CTIF: variants seen among roughly 807,000 people sequenced by gnomAD.
CTIF encodes CBP80/20-dependent translation initiation factor.
Under a neutral mutation model 66.0 loss-of-function variants are expected in CTIF, and 21 were observed. The observed-to-expected ratio is 0.32, with a 90% CI of 0.23 to 0.46. The LOEUF is 0.46. CTIF is among the 20% of genes least tolerant of loss of function. CTIF has a pLI of 1.00. For missense variants in CTIF, 739 were observed against 812.7 expected, an observed-to-expected ratio of 0.91 and a Z score of 1.10; for synonymous variants, 345 against 326.4, an observed-to-expected ratio of 1.06 and a Z score of -0.62.
chr18:48,604,624 T>C (rs2090170610), intron 1 of CTIF, among the ~76,000 whole-genome samples: 1 of 152,208 alleles, frequency 6.6e-6, no homozygotes, highest in Non-Finnish European at 1.5e-5. Context: ...GTACATTACT[T>C]TTTTAACAGC....
chr18:48,810,892 T>C (rs2068245748), intron 9 of CTIF, among the ~76,000 whole-genome samples: 1 of 151,980 alleles, frequency 6.6e-6, no homozygotes, highest in Admixed American at 6.5e-5. Flanking sequence ...TACTTTATTT[T>C]CATTTGCTCA....
intron 1 of CTIF, among the ~76,000 whole-genome samples, chr18:48,600,135 T>C (rs1442737397): frequency 1.3e-5 from 2 of 152,122 alleles, no homozygotes; most frequent in Admixed American, 6.5e-5. Flanking sequence ...AACCTGAGTG[T>C]GTGCAGAGTC....
intron 3 of CTIF, among the ~76,000 whole-genome samples, chr18:48,644,925 C>T (rs1339337655): frequency 6.6e-6 from 1 of 152,174 alleles, no homozygotes; most frequent in African/African-American, 2.4e-5. Flanking sequence ...TCCAAACTTA[C>T]TATTGGATCG....
intron 6 of CTIF, among the ~76,000 whole-genome samples, chr18:48,710,114 C>T (rs962014209): frequency 2.0e-5 from 3 of 152,234 alleles, no homozygotes; most frequent in East Asian, 1.9e-4. Flanking sequence ...GGCTGAGCCC[C>T]GTGAAGGCAA....
At chr18:48,782,460 C>T (rs976523007) in intron 9 of CTIF, among the ~76,000 whole-genome samples, 9 of 152,172 alleles carry the variant, frequency 5.9e-5, no homozygotes, top group African/African-American at 2.2e-4. Context: ...TGGAAATCAG[C>T]CCTCTCTGAT....
chr18:48,553,896 C>T (rs540991332), intron 1 of CTIF, among the ~76,000 whole-genome samples: 2 of 152,002 alleles, frequency 1.3e-5, no homozygotes, highest in South Asian at 2.1e-4. Flanking sequence ...CTCCTGACCT[C>T]GTAATCTGCC....
At chr18:48,764,865 T>C (rs1049826091) in intron 9 of CTIF, among the ~76,000 whole-genome samples, 1 of 152,212 alleles carries the variant, frequency 6.6e-6, no homozygotes, top group Non-Finnish European at 1.5e-5. Context: ...CCTGGGTGGC[T>C]AGACAAGGCC....
chr18:48,619,439 A>G, intron 1 of CTIF, 99 bp from the exon 2 acceptor site: 1 of 746,950 alleles, frequency 1.3e-6, no homozygotes, highest in Non-Finnish European at 2.0e-6. Flanking sequence ...CATGATGGAT[A>G]AGAAGATGCT....
chr18:48,631,651 T>C (rs1482865802), intron 2 of CTIF, among the ~76,000 whole-genome samples: 1 of 152,250 alleles, frequency 6.6e-6, no homozygotes, highest in African/African-American at 2.4e-5. Context: ...TAACCCTGTG[T>C]CATGTTTGTT....
chr18:48,684,136 G>A (rs369527295), intron 6 of CTIF, among the ~76,000 whole-genome samples: 4 of 152,188 alleles, frequency 2.6e-5, no homozygotes, highest in Non-Finnish European at 4.4e-5. Flanking sequence ...CATCTCCAAC[G>A]TAGTATAATG....
At chr18:48,611,060 C>A (rs1425120770) in intron 1 of CTIF, among the ~76,000 whole-genome samples, 1 of 152,184 alleles carries the variant, frequency 6.6e-6, no homozygotes, top group Non-Finnish European at 1.5e-5. Context: ...GATGTAAAGG[C>A]TTGGATCCTG....
At chr18:48,637,696 G>A (rs966059302) in intron 3 of CTIF, among the ~76,000 whole-genome samples, 3 of 152,166 alleles carry the variant, frequency 2.0e-5, no homozygotes, top group African/African-American at 4.8e-5. Flanking sequence ...TGTAGGGCGT[G>A]GCTGCCCCAT....
In CTIF at chr18:48,859,807, T is replaced by C. The variant is rs746257927; in HGVS notation, c.*248T>C. On this transcript the variant is annotated 3_prime_UTR_variant, in exon 12 of 12. Transcript: ENST00000256413. Reference sequence around the variant, plus strand: ...ATAAGGGAAGCATGTTTCTTTTTCCTGGTGGCCCTGGCCCTCCCCTTCCTC... The same window carrying C: ...ATAAGGGAAGCATGTTTCTTTTTCCCGGTGGCCCTGGCCCTCCCCTTCCTC... 7 of 657,048 alleles carry C rather than the reference T, an allele frequency of 1.1e-5. No individual in the cohort carries two copies. The highest frequency in any genetic ancestry group is 2.4e-4 in the Middle Eastern group (1 of 4,174). 40.7% of individuals were successfully genotyped at this position (657,048 alleles called of 1,614,324 possible). A position where few individuals can be genotyped will look rare whatever the true frequency, so the allele number is the denominator to read the frequency against.
intron 2 of CTIF, among the ~76,000 whole-genome samples, chr18:48,622,021 C>A (rs1000848223): frequency 6.6e-6 from 1 of 152,148 alleles, no homozygotes; most frequent in Non-Finnish European, 1.5e-5. Context: ...CAGCGGCTTG[C>A]GGCCACGAAG....
At chr18:48,764,714 G>A (rs538776568) in intron 9 of CTIF, among the ~76,000 whole-genome samples, 54 of 152,112 alleles carry the variant, frequency 3.6e-4, no homozygotes, top group Non-Finnish European at 6.8e-4. Flanking sequence ...GAGTATCTGC[G>A]GGTCAGGTCT....
chr18:48,707,047 A>G (rs556756727), intron 6 of CTIF, among the ~76,000 whole-genome samples: 165 of 152,334 alleles, frequency 1.1e-3, no homozygotes, highest in African/African-American at 3.9e-3. Context: ...CATCTGACTC[A>G]GGTAGACCAG....
At chr18:48,584,921 T>C (rs1216541550) in intron 1 of CTIF, among the ~76,000 whole-genome samples, 1 of 152,254 alleles carries the variant, frequency 6.6e-6, no homozygotes, top group Non-Finnish European at 1.5e-5. Context: ...CAAATGTTTA[T>C]ACCCCTATAA....
In CTIF at chr18:48,610,344, C is replaced by G. The variant is rs2144280119; in HGVS notation, c.-28-9194C>G. On this transcript the variant is annotated intron_variant, in intron 1 of 11. Transcript: ENST00000256413. The stretch of plus-strand genomic sequence containing the variant: ...GGGCAGACCTGGAAACAGGGGCACC[C>G]AGGGATAAAGCAGGACCTGCACGTC... Among the ~76,000 whole-genome samples the G allele has an allele frequency of 1.3e-5, 2 of 151,682 alleles. 1 individual carries two copies. Among genetic ancestry groups the G allele is most frequent in the South Asian group, 4.2e-4 (2 of 4,796 alleles).
At chr18:48,627,486 A>T (rs2090623839) in intron 2 of CTIF, among the ~76,000 whole-genome samples, 1 of 152,146 alleles carries the variant, frequency 6.6e-6, no homozygotes, top group Non-Finnish European at 1.5e-5. Context: ...TAGAAATCTG[A>T]GACAGGTGGA....
Sources: allele counts gnomAD v4.1 joint callset (sites outside exome capture counted in the v4.1 genomes callset), GRCh38; gene constraint gnomAD v4.1.1; transcripts MANE v1.5; gene names NCBI Gene and HGNC (gene_info 2026-07-23, HGNC 2026-07-21).